Variants in CC2D1B observed in about 807,000 individuals in gnomAD.
CC2D1B encodes the protein coiled-coil and C2 domain containing 1B, also known as coiled-coil and C2 domain-containing protein 1B.
In CC2D1B, 92 loss-of-function variants were observed where a neutral mutation model predicts 110.8. That is an observed-to-expected ratio of 0.83 (90% CI 0.70 to 0.99). The LOEUF (loss-of-function observed/expected upper bound fraction) is 0.99, where lower values mean the gene tolerates loss of function less well. Among genes scored for constraint, CC2D1B ranks in the 50% least tolerant of loss-of-function variants. The pLI is 0.00. For missense variants in CC2D1B, 1,136 were observed against 1,089.0 expected (o/e 1.04, Z -0.61); for synonymous variants, 406 against 429.2 (o/e 0.95, Z 0.67).
intron 23 of CC2D1B, among the ~76,000 whole-genome samples, chr1:52,354,176 A>T (rs17107179): frequency 3.3e-5 from 5 of 152,160 alleles, no homozygotes; most frequent in African/African-American, 1.2e-4. Flanking sequence ...GGCCCGCATA[A>T]GAACAACTTC....
intron 2 of CC2D1B, among the ~76,000 whole-genome samples, chr1:52,364,337 A>C (rs1426160527): frequency 6.6e-6 from 1 of 152,178 alleles, no homozygotes; most frequent in African/African-American, 2.4e-5. Context: ...AGGTCCCATC[A>C]GAACATCCTA....
Position 52,354,888 on chromosome 1 carries a change from T to C in CC2D1B, c.2291A>G (p.Lys764Arg), listed in dbSNP as rs1264964067. 2 of 1,614,112 alleles carry C rather than the reference T, an allele frequency of 1.2e-6. No homozygotes were observed. Among genetic ancestry groups the C allele is most frequent in the Non-Finnish European group, 1.7e-6 (2 of 1,180,054 alleles). ...GATGCCTTTGCTCTGGATCACCCTC[T>C]TGAAGCCCCGGTGGTTTCGGTTGAT... ...LNINRNHRGF[K>R]RVIQSKGIKF... The change falls in exon 22 of 25, where the codon AAG (lysine) becomes AGG (arginine). Residue 764 changes from lysine to arginine, a missense_variant. By Grantham distance (26) the Lys-to-Arg change is conservative. Coordinates refer to ENST00000284376, the MANE Select transcript of CC2D1B (RefSeq NM_001330585.2).
rs955517948 is a variant in CC2D1B at position 52,356,249 on chromosome 1, G to A, written c.1991C>T (p.Ala664Val). The change falls in exon 18 of 25, where the codon GCC (alanine) becomes GTC (valine). Residue 664 changes from alanine to valine, a missense_variant. Transcript: ENST00000284376. ...GGGAGGGTCGAGGCCCTGAGCCTGG[G>A]CCAGCTGCAGGATCTCCAGCTGTTT... ...RKKQLEILQL[A>V]QAQGLDPPTH... 6.2e-7 allele frequency: 1 copy of A among 1,614,084 alleles called. No homozygotes were observed. The highest frequency in any genetic ancestry group is 1.3e-5 in the African/African-American group (1 of 74,920).
Position 52,360,489 on chromosome 1 carries a change from CCT to C in CC2D1B, c.536_537del (p.Glu179GlyfsTer39). On this transcript the variant is annotated frameshift_variant, in exon 6 of 25. Coordinates refer to ENST00000284376, the MANE Select transcript of CC2D1B (RefSeq NM_001330585.2). LOFTEE classifies it high-confidence loss of function. ...CCTGCCTCCTTGGCACTGGCCGCAGCCTCTCGGTAGTTGTGAATCCGTTCCTC... is the reference window on the plus strand; with the variant it reads ...CCTGCCTCCTTGGCACTGGCCGCAGCCTCGGTAGTTGTGAATCCGTTCCTC... ...LLEERIHNYREAAASAKEAGE... is the reference protein window; with the variant it reads ...LLEERIHNYRXAAASAKEAGE... 4 of 1,614,112 alleles carry C rather than the reference CCT, an allele frequency of 2.5e-6. No homozygotes were observed. The highest frequency in any genetic ancestry group is 3.4e-6 in the Non-Finnish European group (4 of 1,180,048).
In CC2D1B at chr1:52,353,543, C is replaced by G. The variant is rs1287326788; in HGVS notation, c.2535G>C (p.Leu845=). ...CTCACAAGCCCCTGGGCTCCAGAACCAGCCAGTTCTCAGTGACCATCTGCA... is the reference window on the plus strand; with the variant it reads ...CTCACAAGCCCCTGGGCTCCAGAACGAGCCAGTTCTCAGTGACCATCTGCA... ...QDVQMVTENW[L]VLEPRGL is the part of the protein sequence containing the mutation. Residue 845 remains leucine, a synonymous_variant, in exon 24 of 25, where the codon CTG becomes CTC. Coordinates refer to ENST00000284376, the MANE Select transcript of CC2D1B (RefSeq NM_001330585.2). 1 of 1,613,836 alleles carries G rather than the reference C, an allele frequency of 6.2e-7. No homozygotes were observed. Among genetic ancestry groups the G allele is most frequent in the South Asian group, 1.1e-5 (1 of 91,066 alleles).
intron 2 of CC2D1B, 89 bp from the exon 3 acceptor site, chr1:52,362,835 A>G (rs1243384476): frequency 6.7e-6 from 9 of 1,350,514 alleles, no homozygotes; most frequent in East Asian, 4.6e-5. Context: ...CCAAGTCCCA[A>G]TCAGTGGCTC....
chr1:52,353,184 A>T lies in CC2D1B; in HGVS notation c.*41T>A, dbSNP rs1557537681. 7.5e-7 allele frequency: 1 copy of T among 1,326,732 alleles called. No individual in the cohort carries two copies. The highest frequency in any genetic ancestry group is 5.1e-5 in the East Asian group (1 of 19,610). The allele number at this position is 1,326,732 out of a possible 1,614,324, so 82.2% of individuals were successfully genotyped here. A position where few individuals can be genotyped will look rare whatever the true frequency, so the allele number is the denominator to read the frequency against. ...CAAAGCTGGGAAAGTCATCTCCTGC[A>T]CAGTCGCGGCCTGACTCCTCTCCTG... On this transcript the variant is annotated 3_prime_UTR_variant, in exon 25 of 25. Coordinates refer to ENST00000284376, the MANE Select transcript of CC2D1B (RefSeq NM_001330585.2).
chr1:52,358,915 C>G (rs1646714039), intron 11 of CC2D1B, 112 bp downstream of exon 11: 1 of 1,505,192 alleles, frequency 6.6e-7, no homozygotes, highest in East Asian at 2.3e-5. Context: ...CCCAGAGAGA[C>G]AAACAGATGA....
In CC2D1B at chr1:52,355,342, C is replaced by T; in HGVS notation, c.2239+56G>A. 19 of 1,579,280 alleles carry T rather than the reference C, an allele frequency of 1.2e-5. 1 individual carries two copies. In the South Asian group the frequency reaches 1.6e-4, roughly 13 times the overall value. On this transcript the variant is annotated intron_variant, in intron 21 of 24. Coordinates refer to ENST00000284376, the MANE Select transcript of CC2D1B (RefSeq NM_001330585.2). The stretch of plus-strand genomic sequence containing the variant: ...TAGATGGGAACCCACTCTGGAAACA[C>T]CAGTGCTGCCCACACACTCTGAGGG...
Position 52,353,600 on chromosome 1 carries a change from C to T in CC2D1B, c.2478G>A (p.Val826=). ...KPTGGKLEVK[V]RLREPLSGQD... The stretch of plus-strand genomic sequence containing the variant: ...GGCCACTCAGAGGCTCCCGCAGCCT[C>T]ACCTTCACCTCCAGCTTCCCCCCGG... Residue 826 remains valine (V), a synonymous_variant, in exon 24 of 25, where the codon GTG becomes GTA. Coordinates refer to ENST00000284376, the MANE Select transcript of CC2D1B (RefSeq NM_001330585.2). 1.2e-6 allele frequency: 2 copies of T among 1,613,234 alleles called. No homozygotes were observed. Among genetic ancestry groups the T allele is most frequent in the Non-Finnish European group, 1.7e-6 (2 of 1,179,572 alleles).
chr1:52,353,723 G>GA, intron 23 of CC2D1B, 76 bp from the exon 24 acceptor site: 2 of 1,108,212 alleles, frequency 1.8e-6, no homozygotes, highest in East Asian at 5.2e-5. Flanking sequence ...ACATTCCCAG[G>GA]AAAGAAGTGA....
Position 52,352,505 on chromosome 1 carries a change from TTA to T in CC2D1B, c.*718_*719del, listed in dbSNP as rs1646546948. The T allele has an allele frequency of 6.6e-6, 1 of 152,620 alleles. No individual in the cohort carries two copies. The highest frequency in any genetic ancestry group is 2.4e-5 in the African/African-American group (1 of 41,446). 9.5% of individuals were successfully genotyped at this position (152,620 alleles called of 1,614,324 possible). A position where few individuals can be genotyped will look rare whatever the true frequency, so the allele number is the denominator to read the frequency against. ...ATAAAATCCCTACAATGAGTTAGAC[TTA>T]GTTTCCTAGATAAATAAACGTGTCT... On this transcript the variant is annotated 3_prime_UTR_variant, in exon 25 of 25. Coordinates refer to ENST00000284376, the MANE Select transcript of CC2D1B (RefSeq NM_001330585.2).
rs750072896 is a variant in CC2D1B, at chr1:52,360,495, G to A, written c.532C>T (p.Arg178Ter). ...ALLEERIHNY[R>*]EAAASAKEAG... The stretch of plus-strand genomic sequence containing the variant: ...TCCTTGGCACTGGCCGCAGCCTCTC[G>A]GTAGTTGTGAATCCGTTCCTCCAGC... The change falls in exon 6 of 25, where the codon CGA (arginine) becomes TGA (stop). Residue 178 changes from arginine to a stop codon, truncating the protein, a stop_gained. Coordinates refer to ENST00000284376, the MANE Select transcript of CC2D1B (RefSeq NM_001330585.2). LOFTEE classifies it high-confidence loss of function. The A allele has an allele frequency of 5.0e-6, 8 of 1,613,942 alleles. No individual in the cohort carries two copies. The African/African-American group carries it at 6.7e-5, about 13-fold the overall frequency.
chr1:52,361,051 C>G lies in CC2D1B; in HGVS notation c.400G>C (p.Glu134Gln), dbSNP rs1302526670. The G allele has an allele frequency of 6.2e-7, 1 of 1,614,170 alleles. No individual in the cohort carries two copies. Among genetic ancestry groups the G allele is most frequent in the East Asian group, 2.2e-5 (1 of 44,874 alleles). ...GTGTCTTCTAGGCCGTTCTCCTCCT[C>G]AGAGCCGCCTGGGTCAGCTACCTCA... ...GDEVADPGGS[E>Q]EENGLEDTEP... is the part of the protein sequence containing the mutation. The change falls in exon 5 of 25, where the codon GAG (glutamate) becomes CAG (glutamine). Residue 134 changes from glutamate (E) to glutamine (Q), a missense_variant. By Grantham distance (29) the Glu-to-Gln change is conservative. Coordinates refer to ENST00000284376, the MANE Select transcript of CC2D1B (RefSeq NM_001330585.2).
At chr1:52,361,383 G>T in intron 4 of CC2D1B, 130 bp downstream of exon 4, 1 of 1,499,714 alleles carries the variant, frequency 6.7e-7, no homozygotes, top group Admixed American at 1.9e-5. Flanking sequence ...CCACTGTACA[G>T]CCAGGAGGGG....
chr1:52,357,206 C>A, intron 15 of CC2D1B, 80 bp from the exon 16 acceptor site: 1 of 1,513,814 alleles, frequency 6.6e-7, no homozygotes, highest in Middle Eastern at 1.7e-4. Flanking sequence ...GGAGCCCAAA[C>A]TAAGTAATTC....
chr1:52,365,609 G>T (rs1462842321), intron 1 of CC2D1B, among the ~76,000 whole-genome samples: 5 of 152,246 alleles, frequency 3.3e-5, no homozygotes, highest in Non-Finnish European at 5.9e-5. Flanking sequence ...GCCGAAAAGC[G>T]TTTGGGCATT....
At chr1:52,355,207 C>T (rs967294504) in intron 21 of CC2D1B, among the ~76,000 whole-genome samples, 191 bp downstream of exon 21, 3 of 152,224 alleles carry the variant, frequency 2.0e-5, no homozygotes, top group Non-Finnish European at 4.4e-5. Context: ...CACTTCCTTG[C>T]CATGAGGCCC....
In CC2D1B at chr1:52,358,756, T is replaced by C. The variant is rs1450836847; in HGVS notation, c.1260A>G (p.Gln420=). Residue 420 remains glutamine (Q), a splice_region_variant and synonymous_variant, in exon 12 of 25, where the codon CAA becomes CAG. Coordinates refer to ENST00000284376, the MANE Select transcript of CC2D1B (RefSeq NM_001330585.2). ...KARMHERIAK[Q]YQDAIRAHRA... ...GGTGTGCTCGAATAGCATCTTGATA[T>C]TGCTGCAAGGGAAGGAAGGGAGGGG... 3.1e-6 allele frequency: 5 copies of C among 1,609,060 alleles called. No homozygotes were observed. Among genetic ancestry groups the C allele is most frequent in the African/African-American group, 2.7e-5 (2 of 74,546 alleles).
Sources: allele counts gnomAD v4.1 joint callset (sites outside exome capture counted in the v4.1 genomes callset), GRCh38; gene constraint gnomAD v4.1.1; transcripts MANE v1.5; gene names NCBI Gene and HGNC (gene_info 2026-07-23, HGNC 2026-07-21).